Variants in TBC1D8B observed in about 807,000 individuals in gnomAD.
TBC1D8B encodes TBC1 domain family member 8B, also known as RP11-321G1.1.
In TBC1D8B, 75 loss-of-function variants were observed where a neutral mutation model predicts 82.9. That is an observed-to-expected ratio of 0.90 (90% confidence interval 0.75 to 1.10). The LOEUF is 1.10. Among genes scored for constraint, TBC1D8B ranks in the 50% least tolerant of loss-of-function variants. The probability of loss-of-function intolerance (pLI) is 0.00; values close to 1 mark genes in which losing one functional copy is unlikely to be tolerated. For synonymous variants in TBC1D8B, 276 were observed against 276.8 expected, an observed-to-expected ratio of 1.00 and a Z score of 0.03; for missense variants, 794 against 796.9, an observed-to-expected ratio of 1.00 and a Z score of 0.04.
intron 7 of TBC1D8B, 82 bp downstream of exon 7, chrX:106,827,419 G>A: frequency 9.5e-7 from 1 of 1,054,617 alleles, no homozygotes; most frequent in Non-Finnish European, 1.3e-6. Context: ...GGAATTCATA[G>A]TACCTTTCCT....
chrX:106,805,575 T>A (rs1169129977), intron 1 of TBC1D8B, among the ~76,000 whole-genome samples: 1 of 112,293 alleles, frequency 8.9e-6, no homozygotes, highest in Non-Finnish European at 1.9e-5. Context: ...AGTTTATAAC[T>A]CTTCATGATT....
intron 1 of TBC1D8B, among the ~76,000 whole-genome samples, chrX:106,817,522 A>G (rs1160201069): frequency 1.8e-5 from 2 of 111,786 alleles, no homozygotes; most frequent in Non-Finnish European, 3.8e-5. Context: ...AAAATATTGT[A>G]TAAAATTATC....
chrX:106,836,698 T>C (rs917350571), intron 7 of TBC1D8B, among the ~76,000 whole-genome samples: 1 of 111,066 alleles, frequency 9.0e-6, no homozygotes, highest in Non-Finnish European at 1.9e-5. Context: ...CATAAAGTTT[T>C]ATGTGGAAAT....
chrX:106,840,638 T>TCTG (rs1932281628), intron 9 of TBC1D8B, 32 bp from the exon 10 acceptor site: 3 of 1,135,388 alleles, frequency 2.6e-6, no homozygotes, highest in Non-Finnish European at 3.6e-6. Flanking sequence ...ATATCCACCT[T>TCTG]CTGTTGTATG....
intron 20 of TBC1D8B, 78 bp from the exon 21 acceptor site, chrX:106,873,492 G>T: frequency 1.0e-6 from 1 of 985,754 alleles, no homozygotes; most frequent in South Asian, 2.4e-5. Context: ...CTATATAGGA[G>T]ACTATTCACT....
At chrX:106,867,813 T>C (rs777026827) in intron 17 of TBC1D8B, among the ~76,000 whole-genome samples, 6 of 111,184 alleles carry the variant, frequency 5.4e-5, no homozygotes, top group African/African-American at 2.0e-4. Flanking sequence ...CTTCACACAC[T>C]CAAATCACAA....
At chrX:106,839,248 T>A (rs1276119661) in intron 7 of TBC1D8B, 60 bp from the exon 8 acceptor site, 3 of 1,047,334 alleles carry the variant, frequency 2.9e-6, no homozygotes, top group East Asian at 6.4e-5. Flanking sequence ...ACATTAGAAC[T>A]TTTTTTTCTT....
At chrX:106,832,098 C>A (rs930817306) in intron 7 of TBC1D8B, among the ~76,000 whole-genome samples, 2 of 111,058 alleles carry the variant, frequency 1.8e-5, no homozygotes, top group Non-Finnish European at 1.9e-5. Flanking sequence ...TTTTAATAAA[C>A]CTGGTGACTT....
At chrX:106,873,543 G>A (rs1932864285) in intron 20 of TBC1D8B, 27 bp from the exon 21 acceptor site, 2 of 1,165,354 alleles carry the variant, frequency 1.7e-6, no homozygotes, top group Non-Finnish European at 2.3e-6. Context: ...ATATTCAAAC[G>A]TGATATTTTC....
chrX:106,853,839 T>C (rs1373855555), intron 13 of TBC1D8B, among the ~76,000 whole-genome samples, 189 bp downstream of exon 13: 1 of 112,079 alleles, frequency 8.9e-6, no homozygotes, highest in African/African-American at 3.2e-5. Context: ...CCTCAATTTG[T>C]TTTTCATTAA....
chrX:106,854,252 T>C lies in TBC1D8B; in HGVS notation c.2308T>C (p.Leu770=). The part of the protein sequence containing the change: ...DIHSMRCRNR[L]YVIQTLEETT... ...ACATAGTATGCGCTGTCGAAATAGG[T>C]TGTATGTGATACAGACCCTAGAGGA... is the stretch of plus-strand genomic sequence containing the variant. Residue 770 remains leucine (L), a synonymous_variant, in exon 14 of 21, where the codon TTG becomes CTG. Coordinates refer to ENST00000357242, the MANE Select transcript of TBC1D8B (RefSeq NM_017752.3). The C allele has an allele frequency of 4.2e-6, 5 of 1,197,224 alleles. No homozygotes were observed. The highest frequency in any genetic ancestry group is 2.3e-5 in the Admixed American group (1 of 43,617).
intron 1 of TBC1D8B, among the ~76,000 whole-genome samples, chrX:106,808,853 G>T (rs1305696322): frequency 9.0e-6 from 1 of 111,728 alleles, no homozygotes; most frequent in Non-Finnish European, 1.9e-5. Context: ...TGGCTATAAG[G>T]TAAGCTAAAA....
intron 14 of TBC1D8B, among the ~76,000 whole-genome samples, chrX:106,863,565 G>A (rs1434083620): frequency 1.8e-5 from 2 of 111,573 alleles, no homozygotes; most frequent in African/African-American, 6.5e-5. Flanking sequence ...CACCACCTAA[G>A]TCAGAAAGTC....
At chrX:106,837,018 T>C (rs897282892) in intron 7 of TBC1D8B, among the ~76,000 whole-genome samples, 4 of 111,799 alleles carry the variant, frequency 3.6e-5, no homozygotes, top group African/African-American at 1.3e-4. Context: ...TTGTACTCTT[T>C]TCTTAAAACA....
intron 14 of TBC1D8B, among the ~76,000 whole-genome samples, chrX:106,856,567 C>T (rs1322709159): frequency 9.1e-6 from 1 of 110,450 alleles, no homozygotes; most frequent in African/African-American, 3.3e-5. Flanking sequence ...TTTCTAAAAA[C>T]CAATTATTAA....
chrX:106,841,060 A>G (rs374894108), intron 10 of TBC1D8B, among the ~76,000 whole-genome samples, 176 bp downstream of exon 10: 2 of 111,933 alleles, frequency 1.8e-5, no homozygotes, highest in African/African-American at 6.5e-5. Flanking sequence ...TTGATATTTC[A>G]TTATTTTTCT....
intron 1 of TBC1D8B, among the ~76,000 whole-genome samples, chrX:106,810,905 C>A (rs766565073): frequency 2.7e-5 from 3 of 111,267 alleles, no homozygotes; most frequent in East Asian, 2.8e-4. Flanking sequence ...GTTACCCCCC[C>A]ACTTTTTTGG....
In TBC1D8B at chrX:106,853,563, A is replaced by C. The variant is rs773973390; in HGVS notation, c.2166A>C (p.Ser722=). ...NVTNKDSPLP[S]NVQQGSNVSD... ...CTAATAAGGATAGTCCATTGCCTTC[A>C]AATGTTCAGCAAGGTTCAAATGTGA... Residue 722 remains serine, a synonymous_variant, in exon 13 of 21, where the codon TCA becomes TCC. Coordinates refer to ENST00000357242, the MANE Select transcript of TBC1D8B (RefSeq NM_017752.3). The C allele has an allele frequency of 1.4e-5, 17 of 1,207,257 alleles. No homozygotes were observed. Among genetic ancestry groups the C allele is most frequent in the Non-Finnish European group, 1.8e-5 (16 of 892,847 alleles).
Position 106,873,841 on chromosome X carries a change from A to G in TBC1D8B, c.3239A>G (p.Glu1080Gly). The G allele has an allele frequency of 8.2e-7, 1 of 1,212,151 alleles. No individual in the cohort carries two copies. Among genetic ancestry groups the G allele is most frequent in the Non-Finnish European group, 1.1e-6 (1 of 895,590 alleles). Residue 1080 changes from glutamate to glycine, a missense_variant, in exon 21 of 21, where the codon GAA (glutamate) becomes GGA (glycine). Glu to Gly is a moderately conservative substitution (Grantham distance 98). Coordinates refer to ENST00000357242, the MANE Select transcript of TBC1D8B (RefSeq NM_017752.3). Reference protein sequence around the residue: ...REEPQWSFAFEQILASLLNEP... With the variant: ...REEPQWSFAFGQILASLLNEP... The stretch of plus-strand genomic sequence containing the variant: ...GAACCTCAGTGGTCATTTGCATTTG[A>G]ACAGATTCTTGCATCGCTGTTGAAT...
Sources: allele counts gnomAD v4.1 joint callset (sites outside exome capture counted in the v4.1 genomes callset), GRCh38; gene constraint gnomAD v4.1.1; transcripts MANE v1.5; gene names NCBI Gene and HGNC (gene_info 2026-07-23, HGNC 2026-07-21).